The following AUTS2 variants were observed in gnomAD, a reference collection of about 807,000 sequenced individuals.
AUTS2 encodes the protein autism susceptibility gene 2 protein.
In AUTS2, 17 loss-of-function variants were observed where a neutral mutation model predicts 112.4. That is an observed-to-expected ratio of 0.15 (90% CI 0.10 to 0.23). The LOEUF is 0.23. Ranked by LOEUF, AUTS2 falls within the 10% of genes least tolerant of loss-of-function variation. The pLI is 1.00. For synonymous variants in AUTS2, 751 were observed against 702.7 expected (o/e 1.07, Z -1.09); for missense variants, 1,510 against 1,701.6 (o/e 0.89, Z 1.98).
intron 5 of AUTS2, among the ~76,000 whole-genome samples, chr7:70,549,495 A>AGG (rs1800930684): frequency 6.6e-6 from 1 of 152,242 alleles, no homozygotes; most frequent in African/African-American, 2.4e-5. Context: ...ACAGAGGCAA[A>AGG]GGGAAGAATG....
chr7:70,143,615 T>G (rs1482990709), intron 4 of AUTS2, among the ~76,000 whole-genome samples: 2 of 152,222 alleles, frequency 1.3e-5, no homozygotes, highest in African/African-American at 4.8e-5. Flanking sequence ...TCTGAAATCT[T>G]TGGTGTCTAG....
chr7:70,420,494 G>A (rs996751609), intron 4 of AUTS2, among the ~76,000 whole-genome samples: 1 of 152,150 alleles, frequency 6.6e-6, no homozygotes, highest in African/African-American at 2.4e-5. Flanking sequence ...TGCCATAGAA[G>A]TGCTTATTGA....
intron 4 of AUTS2, among the ~76,000 whole-genome samples, chr7:70,233,772 A>G (rs1812178561): frequency 6.6e-6 from 1 of 152,218 alleles, no homozygotes; most frequent in South Asian, 2.1e-4. Context: ...CATAAGAATC[A>G]CCAAAGCGGA....
intron 1 of AUTS2, among the ~76,000 whole-genome samples, chr7:69,635,241 A>C (rs899893063): frequency 6.6e-6 from 1 of 152,216 alleles, no homozygotes. Context: ...CATTTGGGCT[A>C]TACAGGTTTT....
Position 69,598,534 on chromosome 7 carries a change from C to T in AUTS2, c.-1120C>T, listed in dbSNP as rs1281047378. 1 of 169,782 alleles carries T rather than the reference C, an allele frequency of 5.9e-6. No homozygotes were observed. The highest frequency in any genetic ancestry group is 2.5e-5 in the African/African-American group (1 of 40,384). 10.5% of individuals were successfully genotyped at this position (169,782 alleles called of 1,614,324 possible). A position where few individuals can be genotyped will look rare whatever the true frequency, so the allele number is the denominator to read the frequency against. ...ACGCCGTGCACCCTCCGGCTCGGGG[C>T]TTTCTCGGCGGCGGCGGCGGCAGCA... On this transcript the variant is annotated 5_prime_UTR_variant, in exon 1 of 19. Transcript: ENST00000342771.
At chr7:70,233,657 C>T (rs894804626) in intron 4 of AUTS2, among the ~76,000 whole-genome samples, 1 of 152,194 alleles carries the variant, frequency 6.6e-6, no homozygotes, top group South Asian at 2.1e-4. Flanking sequence ...TACTTTCACA[C>T]AGTCAAACAG....
intron 5 of AUTS2, among the ~76,000 whole-genome samples, chr7:70,619,302 C>A (rs1223191705): frequency 6.6e-6 from 1 of 152,200 alleles, no homozygotes; most frequent in African/African-American, 2.4e-5. Context: ...CACGGAAAGG[C>A]AGACGGGGCG....
At chr7:70,667,438 T>G (rs1807405739) in intron 5 of AUTS2, among the ~76,000 whole-genome samples, 1 of 152,200 alleles carries the variant, frequency 6.6e-6, no homozygotes, top group African/African-American at 2.4e-5. Context: ...AACTACCCCT[T>G]GGAAGATTGA....
At chr7:70,427,527 G>A (rs1795484391) in intron 4 of AUTS2, among the ~76,000 whole-genome samples, 1 of 152,134 alleles carries the variant, frequency 6.6e-6, no homozygotes, top group Non-Finnish European at 1.5e-5. Flanking sequence ...TTAATGATCT[G>A]TGGAAATTTA....
intron 4 of AUTS2, among the ~76,000 whole-genome samples, chr7:70,357,368 G>C (rs1037748781): frequency 2.6e-5 from 4 of 152,056 alleles, no homozygotes; most frequent in African/African-American, 4.8e-5. Context: ...AGTATGGCTT[G>C]TGTTCTGACC....
At chr7:69,823,753 A>ATCATGAT (rs1791108753) in intron 1 of AUTS2, among the ~76,000 whole-genome samples, 3 of 152,122 alleles carry the variant, frequency 2.0e-5, no homozygotes, top group Non-Finnish European at 4.4e-5. Flanking sequence ...ACAGGAAAAA[A>ATCATGAT]TCATGATTGC....
chr7:70,279,284 G>A (rs927358065), intron 4 of AUTS2, among the ~76,000 whole-genome samples: 1 of 152,178 alleles, frequency 6.6e-6, no homozygotes, highest in Non-Finnish European at 1.5e-5. Flanking sequence ...ATTAGCTGGA[G>A]TTACAACCTA....
Position 70,771,545 on chromosome 7 carries a change from A to G in AUTS2, c.1735-4A>G, listed in dbSNP as rs1383666364. On this transcript the variant is annotated splice_polypyrimidine_tract_variant and splice_region_variant and intron_variant, in intron 10 of 18. Coordinates refer to ENST00000342771, the MANE Select transcript of AUTS2 (RefSeq NM_015570.4). Reference sequence around the variant, plus strand: ...TTTTTCCCCCTCTCCGTCTTTGGCCACAGCTCTTCCATTCCTATCCTCCTG... The same window carrying G: ...TTTTTCCCCCTCTCCGTCTTTGGCCGCAGCTCTTCCATTCCTATCCTCCTG... The G allele has an allele frequency of 6.2e-7, 1 of 1,606,232 alleles. No individual in the cohort carries two copies. The highest frequency in any genetic ancestry group is 1.7e-5 in the Admixed American group (1 of 59,592).
At chr7:69,884,966 T>G (rs996273867) in intron 1 of AUTS2, among the ~76,000 whole-genome samples, 1 of 152,200 alleles carries the variant, frequency 6.6e-6, no homozygotes, top group Non-Finnish European at 1.5e-5. Context: ...GTTTGTTTTA[T>G]TTTTACCTAT....
intron 1 of AUTS2, among the ~76,000 whole-genome samples, chr7:69,744,077 T>C (rs1045749792): frequency 3.3e-5 from 5 of 152,296 alleles, no homozygotes; most frequent in East Asian, 1.9e-4. Context: ...ATTATAGGCA[T>C]GAACCACCAC....
intron 4 of AUTS2, among the ~76,000 whole-genome samples, chr7:70,187,775 CTTTTTTT>C (rs71077627): frequency 5.4e-5 from 6 of 110,308 alleles, no homozygotes. Flanking sequence ...AACTAGTCTT[CTTTTTTT>C]TTTTTTTTTT....
intron 1 of AUTS2, among the ~76,000 whole-genome samples, chr7:69,696,761 A>T (rs776367515): frequency 6.6e-5 from 10 of 152,210 alleles, no homozygotes; most frequent in Non-Finnish European, 1.5e-4. Flanking sequence ...ATTTGTAAAA[A>T]GATTTTTTTT....
At chr7:70,665,467 T>C (rs1394522963) in intron 5 of AUTS2, among the ~76,000 whole-genome samples, 1 of 151,552 alleles carries the variant, frequency 6.6e-6, no homozygotes, top group Non-Finnish European at 1.5e-5. Flanking sequence ...ATTTATTTAT[T>C]TATTTATTTA....
At chr7:70,244,683 A>G (rs780863015) in intron 4 of AUTS2, among the ~76,000 whole-genome samples, 4 of 152,190 alleles carry the variant, frequency 2.6e-5, no homozygotes, top group South Asian at 2.1e-4. Flanking sequence ...TTTTGTTTCA[A>G]TGTGATTCTG....
Sources: gnomAD v4.1 joint callset for allele counts (sites outside exome capture counted in the v4.1 genomes callset) on GRCh38, gnomAD v4.1.1 for gene constraint, MANE v1.5 for transcripts, NCBI Gene and HGNC (gene_info 2026-07-23, HGNC 2026-07-21) for gene names.